PELP1: variants seen among roughly 807,000 people sequenced by gnomAD.
The protein encoded by PELP1 is proline-, glutamic acid- and leucine-rich protein 1.
In PELP1, 32 loss-of-function variants were observed where a neutral mutation model predicts 95.5. The observed-to-expected ratio is 0.34, with a 90% confidence interval of 0.25 to 0.45. The LOEUF (loss-of-function observed/expected upper bound fraction) is 0.45, where lower values mean the gene tolerates loss of function less well. PELP1 is among the 20% of genes least tolerant of loss of function. The pLI, the probability that PELP1 is intolerant of heterozygous loss-of-function variation, is 1.00. For missense variants in PELP1, 1,358 were observed against 1,444.8 expected, an observed-to-expected ratio of 0.94 and a Z score of 0.97; for synonymous variants, 668 against 600.1, an observed-to-expected ratio of 1.11 and a Z score of -1.65.
At chr17:4,703,094 G>T (rs1229896093) in intron 1 of PELP1, among the ~76,000 whole-genome samples, 1 of 152,118 alleles carries the variant, frequency 6.6e-6, no homozygotes, top group Non-Finnish European at 1.5e-5. Flanking sequence ...CATTCTTATA[G>T]AAGTCCAAAG....
intron 5 of PELP1, among the ~76,000 whole-genome samples, chr17:4,680,023 C>T (rs1282381230): frequency 6.6e-6 from 1 of 152,246 alleles, no homozygotes; most frequent in Admixed American, 6.5e-5. Flanking sequence ...TTGACTAGAG[C>T]TGCTACCTGC....
chr17:4,685,954 G>A (rs6502811), intron 3 of PELP1, among the ~76,000 whole-genome samples: 148,617 of 151,988 alleles, frequency 0.98, 72,744 homozygotes, highest in Middle Eastern at 1. Flanking sequence ...AAAATTAGCC[G>A]GGTGTGGTGA....
intron 6 of PELP1, 60 bp downstream of exon 6, chr17:4,676,690 GAGC>G (rs1912494028): frequency 1.4e-6 from 2 of 1,440,126 alleles, no homozygotes; most frequent in Non-Finnish European, 1.9e-6. Flanking sequence ...GCTAGAGGAG[GAGC>G]AGCAAGAGAC....
Position 4,672,531 on chromosome 17 carries a change from G to A in PELP1, c.2460C>T (p.Ser820=), listed in dbSNP as rs372434729. 2.8e-5 allele frequency: 45 copies of A among 1,590,948 alleles called. No homozygotes were observed. The highest frequency in any genetic ancestry group is 3.8e-5 in the Non-Finnish European group (44 of 1,169,084). ...PIAPTGPPTA[S]PPVPAKEEPE... ...GCTCCTCCTTCGCTGGCACAGGAGG[G>A]GAGGCTGTTGGTGGCCCAGTGGGGG... Residue 820 remains serine, a synonymous_variant, in exon 16 of 17, where the codon TCC becomes TCT. Coordinates refer to ENST00000572293, the MANE Select transcript of PELP1 (RefSeq NM_014389.3).
At position 4,704,040 on chromosome 17, in the gene PELP1, G is replaced by A. The variant is rs757783541; in HGVS notation, c.72C>T (p.Leu24=). The part of the protein sequence containing the change: ...AAGVPGGTGG[L]SAVSSGPRLR... ...GCCGCGGGCCCGAGCTCACTGCCGA[G>A]AGACCCCCGGTCCCGCCAGGAACCC... The change falls in exon 1 of 17, where the codon CTC becomes CTT. Residue 24 remains leucine (L), a synonymous_variant. Transcript: ENST00000572293. 6.2e-7 allele frequency: 1 copy of A among 1,612,768 alleles called. No individual in the cohort carries two copies. The highest frequency in any genetic ancestry group is 8.5e-7 in the Non-Finnish European group (1 of 1,179,690).
chr17:4,676,236 G>A, intron 7 of PELP1, 74 bp from the exon 8 acceptor site: 1 of 1,590,122 alleles, frequency 6.3e-7, no homozygotes, highest in African/African-American at 1.3e-5. Flanking sequence ...TGGACGACCT[G>A]CCTGTATTCT....
At chr17:4,681,455 G>T (rs1487589108) in intron 5 of PELP1, among the ~76,000 whole-genome samples, 1 of 152,006 alleles carries the variant, frequency 6.6e-6, no homozygotes, top group Non-Finnish European at 1.5e-5. Flanking sequence ...AGCTTGCAGT[G>T]AGCCGATATC....
In PELP1 at chr17:4,682,525, G is replaced by A. The variant is rs1379000445; in HGVS notation, c.619C>T (p.Pro207Ser). The change falls in exon 5 of 17, where the codon CCT becomes TCT. Residue 207 changes from proline to serine, a missense_variant. Physicochemically the swap from Pro to Ser is moderately conservative, Grantham distance 74 (BLOSUM62 -1). Coordinates refer to ENST00000572293, the MANE Select transcript of PELP1 (RefSeq NM_014389.3). ...ACTTTGAGAGAACCACAAGCCCGAG[G>A]GAAATAGGTCATACAAGCCTTCATT... ...EGMKACMTYF[P>S]RACGSLKGKL... 2 of 1,612,470 alleles carry A rather than the reference G, an allele frequency of 1.2e-6. No individual in the cohort carries two copies. Among genetic ancestry groups the A allele is most frequent in the South Asian group, 1.1e-5 (1 of 91,060 alleles).
chr17:4,678,008 G>A (rs1322611219), intron 5 of PELP1, among the ~76,000 whole-genome samples: 1 of 152,060 alleles, frequency 6.6e-6, no homozygotes, highest in Admixed American at 6.6e-5. Flanking sequence ...GAGGTCAGGA[G>A]TTCAAGACCA....
rs1356068923 is a variant in PELP1 at position 4,671,675 on chromosome 17, C to T, written c.3300+16G>A. 1 of 1,586,848 alleles carries T rather than the reference C, an allele frequency of 6.3e-7. No homozygotes were observed. The highest frequency in any genetic ancestry group is 8.5e-7 in the Non-Finnish European group (1 of 1,170,194). On this transcript the variant is annotated intron_variant, in intron 16 of 16. Coordinates refer to ENST00000572293, the MANE Select transcript of PELP1 (RefSeq NM_014389.3). ...CACCTTCTCGCCCAAGGAACCTTCC[C>T]TGCCTGGCCTCTCACCTTTTCCTGG...
Position 4,691,270 on chromosome 17 carries a change from G to A in PELP1, c.314+108C>T, listed in dbSNP as rs1425511580. On this transcript the variant is annotated intron_variant, in intron 2 of 16. Transcript: ENST00000572293. ...GTAACTCTCCACACTCTTGGGAATA[G>A]AGAGAGGTCTTGAATCCTGGGGACG... 5 of 819,188 alleles carry A rather than the reference G, an allele frequency of 6.1e-6. No homozygotes were observed. The East Asian group carries it at 7.3e-5, about 12-fold the overall frequency. The allele number at this position is 819,188 out of a possible 1,614,324, so 50.7% of individuals were successfully genotyped here.
chr17:4,675,405 T>C lies in PELP1; in HGVS notation c.1069-43A>G, dbSNP rs1266369856. The C allele has an allele frequency of 5.7e-6, 7 of 1,228,626 alleles. No homozygotes were observed. The East Asian group carries it at 1.8e-4, about 31-fold the overall frequency. 76.1% of individuals were successfully genotyped at this position (1,228,626 alleles called of 1,614,324 possible). A position where few individuals can be genotyped will look rare whatever the true frequency, so the allele number is the denominator to read the frequency against. ...AGAGATAAAGAGTGGAGGAAGAAAG[T>C]GAGAGCCAGAGAGAGACAGAAACAG... On this transcript the variant is annotated intron_variant, in intron 9 of 16. Coordinates refer to ENST00000572293, the MANE Select transcript of PELP1 (RefSeq NM_014389.3). This position sits in a 1 kb window ranked among gnomAD's most constrained non-coding sequence, Gnocchi z 4.3.
Position 4,672,153 on chromosome 17 carries a change from T to C in PELP1, c.2838A>G (p.Glu946=). Residue 946 remains glutamate, a synonymous_variant, in exon 16 of 17, where the codon GAA becomes GAG. Transcript: ENST00000572293. Reference sequence around the variant, plus strand: ...CTTCCTCCTCCTCATCCTCCTCTTCTTCTTCTTCCTCTAACTCACCTTCTT... The same window carrying C: ...CTTCCTCCTCCTCATCCTCCTCTTCCTCTTCTTCCTCTAACTCACCTTCTT... The part of the protein sequence containing the change: ...EEEEGELEEE[E]EEEDEEEEEE... 6.4e-7 allele frequency: 1 copy of C among 1,552,222 alleles called. No individual in the cohort carries two copies. Among genetic ancestry groups the C allele is most frequent in the Non-Finnish European group, 8.7e-7 (1 of 1,147,250 alleles).
chr17:4,691,847 A>C, intron 1 of PELP1: 1 of 159,958 alleles, frequency 6.3e-6, no homozygotes. Flanking sequence ...CCTCAAACAA[A>C]TCCTCCTCCC....
At position 4,673,183 on chromosome 17, in the gene PELP1, A is replaced by G; in HGVS notation, c.1846-38T>C. ...GAAAGGGCAAGTGTGAGCACCAGAA[A>G]TACTGGGAGTCTCTTGGAAACAAGA... is the stretch of plus-strand genomic sequence containing the variant. On this transcript the variant is annotated intron_variant, in intron 15 of 16. Coordinates refer to ENST00000572293, the MANE Select transcript of PELP1 (RefSeq NM_014389.3). This position sits in a 1 kb window ranked among gnomAD's most constrained non-coding sequence, Gnocchi z 5.7. 6.6e-7 allele frequency: 1 copy of G among 1,518,410 alleles called. No homozygotes were observed. Among genetic ancestry groups the G allele is most frequent in the East Asian group, 2.4e-5 (1 of 41,654 alleles). 94.1% of individuals were successfully genotyped at this position (1,518,410 alleles called of 1,614,324 possible).
In PELP1 at chr17:4,673,695, G is replaced by A. The variant is rs1472231084; in HGVS notation, c.1583-21C>T. The A allele has an allele frequency of 6.2e-7, 1 of 1,610,914 alleles. No homozygotes were observed. Among genetic ancestry groups the A allele is most frequent in the Middle Eastern group, 1.6e-4 (1 of 6,062 alleles). On this transcript the variant is annotated intron_variant, in intron 13 of 16. Coordinates refer to ENST00000572293, the MANE Select transcript of PELP1 (RefSeq NM_014389.3). The surrounding 1 kb of genome is among the most constrained non-coding windows in gnomAD (Gnocchi z 5.7). ...GAGGCCTGGGGAAGAAGAATGGTGT[G>A]TAAAGGGTAGGCTCCCAACAGACTG...
rs151198000 is a variant in PELP1, at chr17:4,697,935, G to T, written c.249+5928C>A. On this transcript the variant is annotated intron_variant, in intron 1 of 16. Coordinates refer to ENST00000572293, the MANE Select transcript of PELP1 (RefSeq NM_014389.3). ...TACCTTTATAACAGTGAAGAAATCT[G>T]GCAGAGACCTGCTTAACCTAGAATA... Among the ~76,000 whole-genome samples the T allele has an allele frequency of 4.6e-3, 697 of 150,160 alleles. 4 individuals carry two copies. The highest frequency in any genetic ancestry group is 0.016 in the African/African-American group (650 of 41,074).
chr17:4,681,788 G>C (rs1430676592), intron 5 of PELP1, among the ~76,000 whole-genome samples: 1 of 151,682 alleles, frequency 6.6e-6, no homozygotes, highest in Admixed American at 6.6e-5. Flanking sequence ...AACAGAGTGA[G>C]ACTCCATCTC....
intron 1 of PELP1, among the ~76,000 whole-genome samples, chr17:4,702,514 G>A (rs1340347434): frequency 3.3e-5 from 5 of 152,212 alleles, no homozygotes; most frequent in African/African-American, 9.7e-5. Flanking sequence ...TAAATTAGAA[G>A]AGGGGAATTT....
Sources: gnomAD v4.1 joint callset for allele counts (sites outside exome capture counted in the v4.1 genomes callset) on GRCh38, gnomAD v4.1.1 for gene constraint, Gnocchi (gnomAD v3.1) non-coding constraint, MANE v1.5 for transcripts, NCBI Gene and HGNC (gene_info 2026-07-23, HGNC 2026-07-21) for gene names.